The following SIN3A variants were observed in gnomAD, a reference collection of about 807,000 sequenced individuals.
SIN3A encodes SIN3 transcription regulator family member A.
Under a neutral mutation model 146.1 loss-of-function variants are expected in SIN3A, and 14 were observed. The observed-to-expected ratio is 0.10, with a 90% CI of 0.06 to 0.15. The LOEUF is 0.15. SIN3A is among the 10% of genes least tolerant of loss of function. SIN3A has a pLI of 1.00. For missense variants in SIN3A, 1,028 were observed against 1,576.0 expected (o/e 0.65, Z 5.89); for synonymous variants, 572 against 572.0 (o/e 1.00, Z 0.00).
chr15:75,416,198 G>C (rs1274394380), intron 3 of SIN3A, among the ~76,000 whole-genome samples: 5 of 152,178 alleles, frequency 3.3e-5, no homozygotes, highest in South Asian at 2.1e-4. Context: ...CTTCATTGTT[G>C]TTTTGGTGGG....
intron 2 of SIN3A, 150 bp from the exon 3 acceptor site, chr15:75,422,973 T>A (rs2073864111): frequency 2.7e-6 from 2 of 729,680 alleles, no homozygotes; most frequent in Middle Eastern, 3.9e-4. Context: ...CTCACCTACA[T>A]AGGAAGATCG....
intron 18 of SIN3A, 66 bp downstream of exon 18, chr15:75,381,547 T>G: frequency 8.0e-7 from 1 of 1,255,306 alleles, no homozygotes; most frequent in South Asian, 1.2e-5. Flanking sequence ...ACAGGGTCAC[T>G]GGACAGACTC....
At chr15:75,428,437 C>T (rs2073962579) in intron 2 of SIN3A, among the ~76,000 whole-genome samples, 1 of 152,138 alleles carries the variant, frequency 6.6e-6, no homozygotes, top group African/African-American at 2.4e-5. Flanking sequence ...CCTCAGTCTC[C>T]CGGGTAGCTA....
chr15:75,372,197 C>G lies in SIN3A; in HGVS notation c.3604G>C (p.Val1202Leu). 6.2e-7 allele frequency: 1 copy of G among 1,603,820 alleles called. No homozygotes were observed. Among genetic ancestry groups the G allele is most frequent in the African/African-American group, 1.3e-5 (1 of 74,632 alleles). ...LLRAHQSHERVSKRLHQRFQA... is the reference protein window; with the variant it reads ...LLRAHQSHERLSKRLHQRFQA... Reference sequence around the variant, plus strand: ...AATCTCTGATGTAGACGCTTGCTTACACGCTCATGGGACTGCAAAACAGAA... The same window carrying G: ...AATCTCTGATGTAGACGCTTGCTTAGACGCTCATGGGACTGCAAAACAGAA... The change falls in exon 21 of 21, where the codon GTA becomes CTA. Residue 1202 changes from valine to leucine, a missense_variant. Physicochemically the swap from Val to Leu is conservative, Grantham distance 32. Coordinates refer to ENST00000394947, the MANE Select transcript of SIN3A (RefSeq NM_001145358.2).
chr15:75,412,862 C>A lies in SIN3A; in HGVS notation c.657G>T (p.Gln219His). 1 of 1,613,424 alleles carries A rather than the reference C, an allele frequency of 6.2e-7. No individual in the cohort carries two copies. Among genetic ancestry groups the A allele is most frequent in the Non-Finnish European group, 8.5e-7 (1 of 1,179,706 alleles). The change falls in exon 5 of 21, where the codon CAG (glutamine) becomes CAT (histidine). Residue 219 changes from glutamine to histidine, a missense_variant. Coordinates refer to ENST00000394947, the MANE Select transcript of SIN3A (RefSeq NM_001145358.2). ...AAGGATGTTGGGGTGGTGGTTGAGG[C>A]TGTGGCTGGATGCCATGGGTGGGAA... is the stretch of plus-strand genomic sequence containing the variant. ...HQIPTHGIQP[Q>H]PQPPPQHPSQ...
intron 1 of SIN3A, among the ~76,000 whole-genome samples, chr15:75,436,697 T>C (rs1226220844): frequency 1.3e-5 from 2 of 152,082 alleles, no homozygotes; most frequent in African/African-American, 4.8e-5. Context: ...TCAACTTTGT[T>C]GTGTATTTGG....
Position 75,411,752 on chromosome 15 carries a change from A to C in SIN3A, c.757-9T>G, listed in dbSNP as rs762564592. 1.3e-6 allele frequency: 2 copies of C among 1,571,812 alleles called. No homozygotes were observed. Among genetic ancestry groups the C allele is most frequent in the South Asian group, 2.4e-5 (2 of 84,420 alleles). ...GCTTGCAGTTGGGAGGGCTAGAAAGAAAAGAAATCTTTATTCTCTTCAGAT... is the reference window on the plus strand; with the variant it reads ...GCTTGCAGTTGGGAGGGCTAGAAAGCAAAGAAATCTTTATTCTCTTCAGAT... On this transcript the variant is annotated splice_polypyrimidine_tract_variant and intron_variant, in intron 5 of 20. Transcript: ENST00000394947.
intron 1 of SIN3A, among the ~76,000 whole-genome samples, chr15:75,438,887 T>C (rs1595926493): frequency 2.0e-5 from 3 of 152,196 alleles, no homozygotes; most frequent in African/African-American, 7.2e-5. Context: ...TTTTGAGTAG[T>C]CTAATTCAAA....
chr15:75,453,678 C>A (rs2074444130), upstream of SIN3A: 1 of 152,326 alleles, frequency 6.6e-6, no homozygotes, highest in Non-Finnish European at 1.5e-5. Context: ...CAGACACTTG[C>A]AGCGTCTGCA....
intron 10 of SIN3A, 90 bp from the exon 11 acceptor site, chr15:75,401,030 A>T: frequency 1.2e-6 from 1 of 853,130 alleles, no homozygotes; most frequent in Non-Finnish European, 1.9e-6. Context: ...TTTGGATCAG[A>T]AATCTGCTAC....
At chr15:75,391,962 C>A (rs1567333566) in intron 15 of SIN3A, among the ~76,000 whole-genome samples, 1 of 152,186 alleles carries the variant, frequency 6.6e-6, no homozygotes, top group African/African-American at 2.4e-5. Flanking sequence ...CAGAAATCTG[C>A]CATTTGAGAA....
At chr15:75,391,664 A>G (rs2073204593) in intron 15 of SIN3A, among the ~76,000 whole-genome samples, 1 of 152,184 alleles carries the variant, frequency 6.6e-6, no homozygotes, top group Non-Finnish European at 1.5e-5. Context: ...AAAGCACATG[A>G]CAGCGTCCTG....
chr15:75,451,942 C>G (rs2074418779), upstream of SIN3A, among the ~76,000 whole-genome samples: 1 of 152,114 alleles, frequency 6.6e-6, no homozygotes, highest in Admixed American at 6.6e-5. Context: ...AGCCCACCCC[C>G]GAGCCCCAAC....
intron 2 of SIN3A, among the ~76,000 whole-genome samples, chr15:75,426,612 T>G (rs2073930108): frequency 6.6e-6 from 1 of 152,162 alleles, no homozygotes; most frequent in Non-Finnish European, 1.5e-5. Flanking sequence ...TAGTATGTAA[T>G]GTATGATCCA....
intron 1 of SIN3A, among the ~76,000 whole-genome samples, chr15:75,441,373 A>G (rs533149474): frequency 1.3e-5 from 2 of 152,196 alleles, no homozygotes; most frequent in Admixed American, 6.5e-5. Context: ...GTACAGTGGC[A>G]TGATCATAGC....
At chr15:75,417,660 T>A (rs1302538786) in intron 3 of SIN3A, among the ~76,000 whole-genome samples, 1 of 152,150 alleles carries the variant, frequency 6.6e-6, no homozygotes, top group Non-Finnish European at 1.5e-5. Flanking sequence ...ATTACAGATG[T>A]GAGCCACCAC....
intron 1 of SIN3A, among the ~76,000 whole-genome samples, chr15:75,431,650 TA>T (rs56930699): frequency 0.026 from 3,774 of 147,594 alleles, 119 homozygotes; most frequent in African/African-American, 0.076. Flanking sequence ...ACGGTTAAGT[TA>T]AAAAAAAAAA....
chr15:75,407,892 C>CAAAAAAAA (rs775913884), intron 8 of SIN3A, among the ~76,000 whole-genome samples: 2 of 24,654 alleles, frequency 8.1e-5, no homozygotes, highest in Non-Finnish European at 1.2e-4. Context: ...GACTCCATCT[C>CAAAAAAAA]AAAAAAAAAA....
chr15:75,396,539 A>T (rs186521218), intron 12 of SIN3A, 43 bp from the exon 13 acceptor site: 32 of 1,366,328 alleles, frequency 2.3e-5, no homozygotes, highest in Middle Eastern at 1.9e-4. Flanking sequence ...GACCCAAATC[A>T]AAATAGAATA....
Sources: allele counts gnomAD v4.1 joint callset (sites outside exome capture counted in the v4.1 genomes callset), GRCh38; gene constraint gnomAD v4.1.1; transcripts MANE v1.5; gene names NCBI Gene and HGNC (gene_info 2026-07-23, HGNC 2026-07-21).